The following MORC3 variants were observed in gnomAD, a reference collection of about 807,000 sequenced individuals.
MORC3 encodes the protein MORC family CW-type zinc finger 3.
MORC3 carries 31 observed loss-of-function variants against 109.1 expected under a neutral mutation model. The observed-to-expected ratio is 0.28, with a 90% CI of 0.21 to 0.38. The LOEUF (loss-of-function observed/expected upper bound fraction) is 0.38, where lower values mean the gene tolerates loss of function less well. Among genes scored for constraint, MORC3 ranks in the 10% least tolerant of loss-of-function variants. The pLI is 1.00. For synonymous variants in MORC3, 395 were observed against 380.7 expected (o/e 1.04, Z -0.44); for missense variants, 867 against 1,135.8 (o/e 0.76, Z 3.40).
intron 13 of MORC3, among the ~76,000 whole-genome samples, chr21:36,362,961 A>T (rs1489695618): frequency 6.6e-6 from 1 of 152,098 alleles, no homozygotes. Flanking sequence ...CCAGGAAGCC[A>T]TATTTTAGTG....
chr21:36,331,215 T>C (rs2085311465), intron 1 of MORC3, among the ~76,000 whole-genome samples: 1 of 152,196 alleles, frequency 6.6e-6, no homozygotes, highest in African/African-American at 2.4e-5. Context: ...TTTCCCCTTA[T>C]TAGGAGAGAA....
chr21:36,368,295 AATT>A (rs2085804004), intron 14 of MORC3, among the ~76,000 whole-genome samples: 1 of 152,136 alleles, frequency 6.6e-6, no homozygotes, highest in South Asian at 2.1e-4. Context: ...TACTGATAAA[AATT>A]ATTATGGGCA....
At chr21:36,364,061 T>TC in intron 13 of MORC3, 32 bp from the exon 14 acceptor site, 2 of 1,594,130 alleles carry the variant, frequency 1.3e-6, no homozygotes, top group African/African-American at 2.7e-5. Context: ...TAGAAATAGT[T>TC]CCTTTAAGGT....
At chr21:36,345,659 A>C (rs1251977141) in intron 8 of MORC3, among the ~76,000 whole-genome samples, 1 of 151,986 alleles carries the variant, frequency 6.6e-6, no homozygotes, top group African/African-American at 2.4e-5. Context: ...TGACCTGGTG[A>C]TCTGCCTGCC....
intron 8 of MORC3, 73 bp from the exon 9 acceptor site, chr21:36,349,238 T>A: frequency 1.1e-6 from 1 of 905,086 alleles, no homozygotes; most frequent in Non-Finnish European, 1.7e-6. Flanking sequence ...ATACAAACTA[T>A]AATTCTTTAA....
intron 14 of MORC3, among the ~76,000 whole-genome samples, chr21:36,364,880 C>T (rs1443279020): frequency 2.6e-5 from 4 of 151,590 alleles, no homozygotes; most frequent in African/African-American, 4.8e-5. Context: ...GGTGAAACCC[C>T]GTCTCTACTA....
At chr21:36,365,653 CTCAA>C (rs2085772340) in intron 14 of MORC3, among the ~76,000 whole-genome samples, 1 of 152,170 alleles carries the variant, frequency 6.6e-6, no homozygotes, top group Non-Finnish European at 1.5e-5. Flanking sequence ...GCAATCTCAA[CTCAA>C]TGCAACCTCC....
intron 13 of MORC3, among the ~76,000 whole-genome samples, chr21:36,363,334 A>T (rs1041326008): frequency 8.5e-5 from 13 of 152,158 alleles, no homozygotes; most frequent in African/African-American, 2.9e-4. Context: ...GAATTGCTTA[A>T]ACCTGGGAGA....
At position 36,362,242 on chromosome 21, in the gene MORC3, CTT is replaced by C. The variant is rs143622574; in HGVS notation, c.1452+31_1452+32del. On this transcript the variant is annotated intron_variant, in intron 13 of 16. Coordinates refer to ENST00000400485, the MANE Select transcript of MORC3 (RefSeq NM_015358.3). Reference sequence around the variant, plus strand: ...ATGATCCCTCGGGTAATTAAGCCTTCTTTTTTTTTTTTTTTTTTAAATAGAGA... The same window carrying C: ...ATGATCCCTCGGGTAATTAAGCCTTCTTTTTTTTTTTTTTTTAAATAGAGA... 0.036 allele frequency: 49,386 copies of C among 1,365,868 alleles called. 74 individuals carry two copies. The highest frequency in any genetic ancestry group is 0.075 in the Admixed American group (3,021 of 40,114). The allele number at this position is 1,365,868 out of a possible 1,614,324, so 84.6% of individuals were successfully genotyped here.
intron 2 of MORC3, among the ~76,000 whole-genome samples, chr21:36,334,467 A>G (rs541643358): frequency 6.6e-4 from 101 of 151,986 alleles, no homozygotes; most frequent in Middle Eastern, 3.4e-3. Flanking sequence ...ATTATGGGGA[A>G]TTTGTTTGCT....
chr21:36,335,316 T>A (rs1268109858), intron 2 of MORC3, among the ~76,000 whole-genome samples: 1 of 131,230 alleles, frequency 7.6e-6, no homozygotes, highest in Non-Finnish European at 1.6e-5. Context: ...AGGAATTTTT[T>A]TTTTTTTTTT....
intron 15 of MORC3, among the ~76,000 whole-genome samples, 172 bp from the exon 16 acceptor site, chr21:36,372,202 C>T (rs1397362057): frequency 6.6e-6 from 1 of 151,988 alleles, no homozygotes; most frequent in Non-Finnish European, 1.5e-5. Context: ...AGAAGTGAAG[C>T]TGTAAACGAA....
Position 36,364,157 on chromosome 21 carries a change from A to G in MORC3, c.1517A>G (p.Glu506Gly), listed in dbSNP as rs372637882. 6.8e-6 allele frequency: 11 copies of G among 1,614,050 alleles called. No homozygotes were observed. Among genetic ancestry groups the G allele is most frequent in the African/African-American group, 1.3e-5 (1 of 74,922 alleles). The change falls in exon 14 of 17, where the codon GAA (glutamate) becomes GGA (glycine). Residue 506 changes from glutamate to glycine, a missense_variant. This residue lies in a region of MORC3 where 486 missense variants were observed against 502.1 expected (regional missense o/e 0.97). Transcript: ENST00000400485. ...ACTCCAAGCTTTTCTTCTCCTAAGG[A>G]AAGTGTTCCAAGAAGACATCTTTCA... ...LSTPSFSSPK[E>G]SVPRRHLSEG...
intron 15 of MORC3, among the ~76,000 whole-genome samples, chr21:36,370,629 A>G (rs946137922): frequency 1.7e-4 from 3 of 17,400 alleles, no homozygotes; most frequent in South Asian, 3.4e-3. Flanking sequence ...ATATATATAT[A>G]TATATATATA....
intron 8 of MORC3, among the ~76,000 whole-genome samples, 169 bp downstream of exon 8, chr21:36,345,200 C>T (rs1215251801): frequency 6.8e-6 from 1 of 146,208 alleles, no homozygotes; most frequent in African/African-American, 2.6e-5. Flanking sequence ...TTATTAACTC[C>T]CCTCCCCTCC....
chr21:36,369,099 C>A lies in MORC3; in HGVS notation c.1731C>A (p.Val577=). The A allele has an allele frequency of 6.2e-7, 1 of 1,613,908 alleles. No homozygotes were observed. The highest frequency in any genetic ancestry group is 1.1e-5 in the South Asian group (1 of 91,032). ...AAGGTGATGATGATGATGAAGATGT[C>A]ATCATCTTAGAAGAAAACAGTACCC... is the stretch of plus-strand genomic sequence containing the variant. ...VYKGDDDDED[V]IILEENSTPK... is the part of the protein sequence containing the mutation. The change falls in exon 15 of 17, where the codon GTC becomes GTA. Residue 577 remains valine, a synonymous_variant. Transcript: ENST00000400485.
chr21:36,354,249 A>C (rs1487662001), intron 9 of MORC3, among the ~76,000 whole-genome samples: 1 of 151,092 alleles, frequency 6.6e-6, no homozygotes, highest in Admixed American at 6.6e-5. Flanking sequence ...AGGCAGGCAC[A>C]CTCAGTTTAA....
At chr21:36,322,951 C>T (rs962025413) in intron 1 of MORC3, among the ~76,000 whole-genome samples, 2 of 152,024 alleles carry the variant, frequency 1.3e-5, no homozygotes, top group African/African-American at 4.8e-5. Context: ...AATGAGCTAG[C>T]CAGGGTAGTA....
Position 36,374,712 on chromosome 21 carries a change from G to A in MORC3, c.2667-431G>A, listed in dbSNP as rs1323954145. Among the ~76,000 whole-genome samples the A allele has an allele frequency of 3.3e-5, 5 of 152,118 alleles. No homozygotes were observed. In the East Asian group the frequency reaches 7.7e-4, roughly 23 times the overall value. ...CAGGAGGCTGAGGTGGGAGAATTGC[G>A]TGAACCCTGGAGAGCAGTGGTGCCA... On this transcript the variant is annotated intron_variant, in intron 16 of 16. Coordinates refer to ENST00000400485, the MANE Select transcript of MORC3 (RefSeq NM_015358.3).
Sources: gnomAD v4.1 joint callset for allele counts (sites outside exome capture counted in the v4.1 genomes callset) on GRCh38, gnomAD v4.1.1 for gene constraint, gnomAD v4.1.1 regional missense constraint, MANE v1.5 for transcripts, NCBI Gene and HGNC (gene_info 2026-07-23, HGNC 2026-07-21) for gene names.